DOCK1: variants seen among roughly 807,000 people sequenced by gnomAD.
The protein encoded by DOCK1 is dedicator of cytokinesis 1.
Under a neutral mutation model 262.7 loss-of-function variants are expected in DOCK1, and 138 were observed. That is an observed-to-expected ratio of 0.53 (90% CI 0.46 to 0.61). The LOEUF (loss-of-function observed/expected upper bound fraction) is 0.61. Among genes scored for constraint, DOCK1 ranks in the 20% least tolerant of loss-of-function variants. The pLI, the probability that DOCK1 is intolerant of heterozygous loss-of-function variation, is 0.00. For synonymous variants in DOCK1, 866 were observed against 867.4 expected (o/e 1.00, Z 0.03); for missense variants, 1,908 against 2,370.7 (o/e 0.80, Z 4.05).
chr10:127,175,972 C>T lies in DOCK1; in HGVS notation c.2847+48208C>T, dbSNP rs760287894. 34 of 1,614,082 alleles carry T rather than the reference C, an allele frequency of 2.1e-5. No homozygotes were observed. Among genetic ancestry groups the T allele is most frequent in the Non-Finnish European group, 2.9e-5 (34 of 1,180,036 alleles). On this transcript the variant is annotated intron_variant, in intron 27 of 51. Coordinates refer to ENST00000623213, the MANE Select transcript of DOCK1 (RefSeq NM_001290223.2). This position sits in a 1 kb window ranked among gnomAD's most constrained non-coding sequence, Gnocchi z 6.3. ...TTCTCTTTCGCATCTGTTAGAAACC[C>T]ATTGTTTTGGCTTTTAAAGGGATCT...
intron 47 of DOCK1, among the ~76,000 whole-genome samples, chr10:127,432,636 T>C (rs753043450): frequency 1.3e-5 from 2 of 152,138 alleles, no homozygotes; most frequent in Non-Finnish European, 2.9e-5. Context: ...TTCTGTAATA[T>C]GTCAAGAAGA....
intron 23 of DOCK1, among the ~76,000 whole-genome samples, chr10:127,102,289 G>A (rs188646660): frequency 6.6e-6 from 1 of 152,302 alleles, no homozygotes; most frequent in African/African-American, 2.4e-5. Flanking sequence ...CTCCGTGAAA[G>A]GGGATAGTAA....
intron 1 of DOCK1, among the ~76,000 whole-genome samples, chr10:126,941,158 G>A (rs1465930096): frequency 6.6e-6 from 1 of 152,152 alleles, no homozygotes; most frequent in African/African-American, 2.4e-5. Context: ...AGTGTTACCA[G>A]AGGGCATTTC....
At chr10:127,006,085 G>T (rs2040994970) in intron 10 of DOCK1, among the ~76,000 whole-genome samples, 1 of 152,198 alleles carries the variant, frequency 6.6e-6, no homozygotes, top group African/African-American at 2.4e-5. Flanking sequence ...TACGCAGTGA[G>T]CATCCTGGGG....
chr10:126,956,845 AGGCT>A (rs1418897636), intron 1 of DOCK1, among the ~76,000 whole-genome samples: 3 of 152,178 alleles, frequency 2.0e-5, no homozygotes, highest in African/African-American at 7.2e-5. Context: ...GGGAGTGGCC[AGGCT>A]GGTCTGCAGA....
chr10:127,191,118 C>T (rs1017059276), intron 27 of DOCK1, among the ~76,000 whole-genome samples: 1 of 152,150 alleles, frequency 6.6e-6, no homozygotes. Context: ...TACCACTTGG[C>T]TTAAGCTCCA....
chr10:127,314,243 C>T (rs1351091802), intron 29 of DOCK1, among the ~76,000 whole-genome samples: 2 of 152,180 alleles, frequency 1.3e-5, no homozygotes, highest in Non-Finnish European at 2.9e-5. Flanking sequence ...TATTTAGCTT[C>T]AAGTTTAGCA....
intron 25 of DOCK1, among the ~76,000 whole-genome samples, chr10:127,111,001 T>C (rs2048831781): frequency 1.3e-5 from 2 of 152,222 alleles, no homozygotes; most frequent in South Asian, 2.1e-4. Context: ...GTGAAGTCTG[T>C]TGAGTGACAT....
At position 126,997,018 on chromosome 10, in the gene DOCK1, C is replaced by T. The variant is rs1477996778; in HGVS notation, c.609+135C>T. Reference sequence around the variant, plus strand: ...GAGTAGCTGCAGAGTTTGTGTCCTACAGTCATGAGTGGAATGGAGCCTGGT... The same window carrying T: ...GAGTAGCTGCAGAGTTTGTGTCCTATAGTCATGAGTGGAATGGAGCCTGGT... On this transcript the variant is annotated intron_variant, in intron 7 of 51. Coordinates refer to ENST00000623213, the MANE Select transcript of DOCK1 (RefSeq NM_001290223.2). 5.9e-6 allele frequency: 6 copies of T among 1,024,986 alleles called. No individual in the cohort carries two copies. The African/African-American group carries it at 8.3e-5, about 14-fold the overall frequency. The allele number at this position is 1,024,986 out of a possible 1,614,324, so 63.5% of individuals were successfully genotyped here. A position where few individuals can be genotyped will look rare whatever the true frequency, so the allele number is the denominator to read the frequency against.
intron 42 of DOCK1, among the ~76,000 whole-genome samples, chr10:127,410,412 C>A (rs958073538): frequency 6.6e-6 from 1 of 152,182 alleles, no homozygotes; most frequent in Admixed American, 6.5e-5. Context: ...ACCCCGACCG[C>A]GGAGGCAGGT....
At chr10:127,364,577 G>A (rs964178910) in intron 33 of DOCK1, among the ~76,000 whole-genome samples, 7 of 152,118 alleles carry the variant, frequency 4.6e-5, no homozygotes, top group African/African-American at 1.4e-4. Context: ...CGTTGGCCAG[G>A]ATGATCTTGA....
intron 1 of DOCK1, among the ~76,000 whole-genome samples, chr10:126,959,864 C>G (rs1163381797): frequency 2.0e-5 from 3 of 152,134 alleles, no homozygotes; most frequent in Non-Finnish European, 4.4e-5. Flanking sequence ...GTTGCCCAGA[C>G]TGGAGTGCAA....
intron 23 of DOCK1, among the ~76,000 whole-genome samples, chr10:127,066,174 T>C (rs1183394355): frequency 6.6e-6 from 1 of 152,128 alleles, no homozygotes; most frequent in Non-Finnish European, 1.5e-5. Flanking sequence ...TTCTGTGTTC[T>C]GCCCCAAGAG....
At chr10:127,379,485 A>T (rs987175789) in intron 35 of DOCK1, among the ~76,000 whole-genome samples, 1 of 152,228 alleles carries the variant, frequency 6.6e-6, no homozygotes, top group Non-Finnish European at 1.5e-5. Context: ...GATACAGTAG[A>T]CTAGCCGCAT....
chr10:127,148,394 G>T (rs2052134788), intron 27 of DOCK1, among the ~76,000 whole-genome samples: 1 of 152,228 alleles, frequency 6.6e-6, no homozygotes, highest in Admixed American at 6.5e-5. Flanking sequence ...GCTGTTTAAT[G>T]AATCTGAGTC....
chr10:126,993,087 T>C (rs9418745), intron 6 of DOCK1, among the ~76,000 whole-genome samples: 35,368 of 152,238 alleles, frequency 0.23, 4,588 homozygotes, highest in South Asian at 0.38. Flanking sequence ...GATCTGGTTT[T>C]GGAATAAATA....
At chr10:127,376,911 A>G (rs373887806) in intron 35 of DOCK1, among the ~76,000 whole-genome samples, 2 of 152,244 alleles carry the variant, frequency 1.3e-5, no homozygotes, top group African/African-American at 4.8e-5. Context: ...AACTCTTGTA[A>G]TAAAACCTAC....
At chr10:127,352,599 T>G (rs2063937975) in intron 31 of DOCK1, among the ~76,000 whole-genome samples, 1 of 151,210 alleles carries the variant, frequency 6.6e-6, no homozygotes, top group Admixed American at 6.6e-5. Flanking sequence ...CAGTGGCCAG[T>G]TTTTTTTTCT....
rs889882063 is a variant in DOCK1 at position 127,068,905 on chromosome 10, A to G, written c.2445+7129A>G. On this transcript the variant is annotated intron_variant, in intron 23 of 51. Transcript: ENST00000623213. ...ATTTTGAAAGGTTACACATTGCCTCATGGCTGTATGATAACTTACTTAACC... is the reference window on the plus strand; with the variant it reads ...ATTTTGAAAGGTTACACATTGCCTCGTGGCTGTATGATAACTTACTTAACC... Among the ~76,000 whole-genome samples, 53 of 152,216 alleles carry G rather than the reference A, an allele frequency of 3.5e-4. 1 individual carries two copies. The highest frequency in any genetic ancestry group is 3.5e-3 in the Admixed American group (53 of 15,290).
Sources: allele counts gnomAD v4.1 joint callset (sites outside exome capture counted in the v4.1 genomes callset), GRCh38; gene constraint gnomAD v4.1.1; non-coding constraint Gnocchi (gnomAD v3.1); transcripts MANE v1.5; gene names NCBI Gene and HGNC (gene_info 2026-07-23, HGNC 2026-07-21).